The following KLRF2 variants were observed in gnomAD, a reference collection of about 807,000 sequenced individuals.
KLRF2 encodes the protein killer cell lectin like receptor F2.
Under a neutral mutation model 25.3 loss-of-function variants are expected in KLRF2, and 28 were observed. That is an observed-to-expected ratio of 1.11 (90% CI 0.82 to 1.52). KLRF2 has a LOEUF of 1.52. Ranked by LOEUF, KLRF2 falls within the 40% of genes most tolerant of loss-of-function variation. The pLI is 0.00. For missense variants in KLRF2, 265 were observed against 245.8 expected (o/e 1.08, Z -0.52); for synonymous variants, 73 against 85.0 (o/e 0.86, Z 0.78).
chr12:9,890,800 A>G (rs1385481827), intron 3 of KLRF2, among the ~76,000 whole-genome samples: 1 of 152,226 alleles, frequency 6.6e-6, no homozygotes, highest in African/African-American at 2.4e-5. Context: ...GGTCTTACCC[A>G]TAGTTATGAA....
rs1002038153 is a variant in KLRF2 at position 9,884,936 on chromosome 12, T to A, written c.73T>A (p.Phe25Ile). ...AATTCTAAAATTCAACATTTCAGAT[T>A]TCTCCCTATATCCACAATATTATTG... Reference protein sequence around the residue: ...RCKSKQKSKDFSLYPQYYCLL... With the variant: ...RCKSKQKSKDISLYPQYYCLL... Residue 25 changes from phenylalanine to isoleucine, a missense_variant and splice_region_variant, in exon 2 of 6, where the codon TTC (phenylalanine) becomes ATC (isoleucine). By Grantham distance (21) the Phe-to-Ile change is conservative. Transcript: ENST00000535540. 6 of 1,132,034 alleles carry A rather than the reference T, an allele frequency of 5.3e-6. No homozygotes were observed. Among genetic ancestry groups the A allele is most frequent in the East Asian group, 6.3e-5 (2 of 31,844 alleles). The allele number at this position is 1,132,034 out of a possible 1,614,324, so 70.1% of individuals were successfully genotyped here.
rs192223043 is a variant in KLRF2, at chr12:9,888,819, G to T, written c.217+39G>T. 10 of 1,301,274 alleles carry T rather than the reference G, an allele frequency of 7.7e-6. No homozygotes were observed. The Admixed American group carries it at 1.8e-4, about 24-fold the overall frequency. The allele number at this position is 1,301,274 out of a possible 1,614,324, so 80.6% of individuals were successfully genotyped here. On this transcript the variant is annotated intron_variant, in intron 3 of 5. Coordinates refer to ENST00000535540, the MANE Select transcript of KLRF2 (RefSeq NM_001190765.1). ...TGTTTGTTATGTGCTACTCTTAGGGGTAAATTTAGTTTTGGCTTCCCTCTT... is the reference window on the plus strand; with the variant it reads ...TGTTTGTTATGTGCTACTCTTAGGGTTAAATTTAGTTTTGGCTTCCCTCTT...
At chr12:9,889,617 C>G (rs767044011) in intron 3 of KLRF2, among the ~76,000 whole-genome samples, 1 of 151,520 alleles carries the variant, frequency 6.6e-6, no homozygotes, top group African/African-American at 2.4e-5. Context: ...GAGACAATAC[C>G]TTAAATCTCT....
Position 9,892,884 on chromosome 12 carries a change from T to C in KLRF2, c.218-136T>C, listed in dbSNP as rs1862697086. 5.7e-6 allele frequency: 4 copies of C among 698,458 alleles called. No homozygotes were observed. In the South Asian group the frequency reaches 8.1e-5, roughly 14 times the overall value. The allele number at this position is 698,458 out of a possible 1,614,324, so 43.3% of individuals were successfully genotyped here. ...CAGGCGTGAGCCACCGCGCCTGGTCTGAACTCCTTTTTATTGACCAAAAAA... is the reference window on the plus strand; with the variant it reads ...CAGGCGTGAGCCACCGCGCCTGGTCCGAACTCCTTTTTATTGACCAAAAAA... On this transcript the variant is annotated intron_variant, in intron 3 of 5. Coordinates refer to ENST00000535540, the MANE Select transcript of KLRF2 (RefSeq NM_001190765.1).
At chr12:9,882,642 A>T (rs1454294030) in intron 1 of KLRF2, among the ~76,000 whole-genome samples, 3 of 152,094 alleles carry the variant, frequency 2.0e-5, no homozygotes, top group African/African-American at 7.2e-5. Flanking sequence ...TTAGCTGGGT[A>T]TGGTGGCGTG....
intron 3 of KLRF2, among the ~76,000 whole-genome samples, chr12:9,889,648 G>A (rs7312661): frequency 0.14 from 21,203 of 149,578 alleles, 2,458 homozygotes; most frequent in East Asian, 0.34. Context: ...GTATATATAT[G>A]TGTGTGTGTG....
chr12:9,891,748 T>G lies in KLRF2; in HGVS notation c.218-1272T>G, dbSNP rs189376950. ...CATGTATTAATGAGTTAAGAATATA[T>G]ATGAAGTTTCATGAATCTAAATTTA... is the stretch of plus-strand genomic sequence containing the variant. On this transcript the variant is annotated intron_variant, in intron 3 of 5. Coordinates refer to ENST00000535540, the MANE Select transcript of KLRF2 (RefSeq NM_001190765.1). Among the ~76,000 whole-genome samples, 7 of 152,300 alleles carry G rather than the reference T, an allele frequency of 4.6e-5. No homozygotes were observed. The East Asian group carries it at 1.3e-3, about 29-fold the overall frequency.
intron 2 of KLRF2, among the ~76,000 whole-genome samples, chr12:9,886,275 C>T (rs1266747490): frequency 1.3e-5 from 2 of 152,034 alleles, no homozygotes; most frequent in Admixed American, 6.6e-5. Context: ...TTCATGGCTT[C>T]CAGTCAAAAT....
chr12:9,882,346 CT>C (rs1488676113), intron 1 of KLRF2, among the ~76,000 whole-genome samples: 2 of 152,202 alleles, frequency 1.3e-5, no homozygotes, highest in African/African-American at 4.8e-5. Flanking sequence ...CCTGCACCCC[CT>C]GCCCCCACAA....
Position 9,895,689 on chromosome 12 carries a change from G to A in KLRF2, c.480G>A (p.Leu160=). 3.9e-6 allele frequency: 6 copies of A among 1,525,872 alleles called. No individual in the cohort carries two copies. The highest frequency in any genetic ancestry group is 5.2e-6 in the Non-Finnish European group (6 of 1,143,888). 94.5% of individuals were successfully genotyped at this position (1,525,872 alleles called of 1,614,324 possible). The part of the protein sequence containing the change: ...WIDEHFLVPE[L]FSVIGPTDDR... ...GAAAAATCTGTCCTTTGTCTCTTAG[G>A]TTTTCAGTGATTGGACCAACTGATG... The change falls in exon 6 of 6, where the codon TTG becomes TTA. Residue 160 remains leucine, a splice_region_variant and synonymous_variant. Coordinates refer to ENST00000535540, the MANE Select transcript of KLRF2 (RefSeq NM_001190765.1).
chr12:9,881,768 G>C (rs1868097290), intron 1 of KLRF2, 103 bp downstream of exon 1: 1 of 840,008 alleles, frequency 1.2e-6, no homozygotes, highest in Non-Finnish European at 1.9e-6. Context: ...ATCATAATAA[G>C]GAATATAAAA....
At chr12:9,889,758 G>C (rs1338237459) in intron 3 of KLRF2, among the ~76,000 whole-genome samples, 1 of 151,898 alleles carries the variant, frequency 6.6e-6, no homozygotes, top group Non-Finnish European at 1.5e-5. Flanking sequence ...GTAATACAGT[G>C]TGGAGGCAGT....
chr12:9,890,915 T>G (rs1362148760), intron 3 of KLRF2, among the ~76,000 whole-genome samples: 1 of 152,206 alleles, frequency 6.6e-6, no homozygotes, highest in Non-Finnish European at 1.5e-5. Context: ...CTTAATATCC[T>G]CTAATAGTCA....
chr12:9,882,759 T>A (rs1432165459), intron 1 of KLRF2, among the ~76,000 whole-genome samples: 5 of 150,816 alleles, frequency 3.3e-5, no homozygotes, highest in South Asian at 4.3e-4. Flanking sequence ...CCAGCCTGAG[T>A]GACAGAGCAA....
At chr12:9,886,986 T>C (rs922502933) in intron 2 of KLRF2, among the ~76,000 whole-genome samples, 1 of 151,946 alleles carries the variant, frequency 6.6e-6, no homozygotes, top group African/African-American at 2.4e-5. Flanking sequence ...GCTAACCAAA[T>C]ATCCCGGAGC....
At chr12:9,884,003 GC>G (rs1171796200) in intron 1 of KLRF2, among the ~76,000 whole-genome samples, 1 of 152,076 alleles carries the variant, frequency 6.6e-6, no homozygotes, top group Non-Finnish European at 1.5e-5. Flanking sequence ...AAATTACTTT[GC>G]TTTCTCTTTG....
intron 1 of KLRF2, among the ~76,000 whole-genome samples, chr12:9,883,630 T>C (rs1007294433): frequency 1.3e-5 from 2 of 152,252 alleles, no homozygotes; most frequent in Non-Finnish European, 2.9e-5. Context: ...AAATGTATTT[T>C]GACGATTTTC....
At chr12:9,889,671 T>C (rs934887279) in intron 3 of KLRF2, among the ~76,000 whole-genome samples, 28 of 151,564 alleles carry the variant, frequency 1.8e-4, no homozygotes, top group Non-Finnish European at 4.0e-4. Context: ...TATATATATG[T>C]ATATATATAC....
intron 5 of KLRF2, among the ~76,000 whole-genome samples, chr12:9,894,031 T>C (rs1862721048): frequency 6.6e-6 from 1 of 151,970 alleles, no homozygotes; most frequent in African/African-American, 2.4e-5. Flanking sequence ...TCTTTTCTTC[T>C]CTTTCTTTTT....
Sources: allele counts gnomAD v4.1 joint callset (sites outside exome capture counted in the v4.1 genomes callset), GRCh38; gene constraint gnomAD v4.1.1; transcripts MANE v1.5; gene names NCBI Gene and HGNC (gene_info 2026-07-23, HGNC 2026-07-21).